LINGO2: variants seen among roughly 807,000 people sequenced by gnomAD.
LINGO2 encodes the protein leucine rich repeat and Ig domain containing 2.
A neutral mutation model predicts 30.6 loss-of-function variants in LINGO2; 14 were observed. The observed-to-expected ratio is 0.46, with a 90% CI of 0.30 to 0.72. LINGO2 has a LOEUF of 0.72. Among genes scored for constraint, LINGO2 ranks in the 30% least tolerant of loss-of-function variants. The pLI is 0.07. For synonymous variants in LINGO2, 317 were observed against 288.5 expected (o/e 1.10, Z -1.00); for missense variants, 729 against 751.7 (o/e 0.97, Z 0.35).
At chr9:28,979,165 T>C in the LINGO2 span, among the ~76,000 whole-genome samples, 1 of 152,128 alleles carries the variant, frequency 6.6e-6, no homozygotes, top group South Asian at 2.1e-4. Flanking sequence ...CTTTGAGCTA[T>C]AATTTGAAAA....
At chr9:28,955,494 G>T in the LINGO2 span, among the ~76,000 whole-genome samples, 1 of 152,044 alleles carries the variant, frequency 6.6e-6, no homozygotes, top group Non-Finnish European at 1.5e-5. Context: ...GGTAGTAAGG[G>T]ATGTCCTGCA....
intron 3 of LINGO2, among the ~76,000 whole-genome samples, chr9:28,346,520 G>A (rs1190321145): frequency 2.0e-5 from 3 of 152,156 alleles, no homozygotes; most frequent in Non-Finnish European, 4.4e-5. Context: ...TGTCTTTAGA[G>A]TGGAACAATT....
At chr9:28,957,415 G>A in the LINGO2 span, among the ~76,000 whole-genome samples, 1 of 152,174 alleles carries the variant, frequency 6.6e-6, no homozygotes, top group Non-Finnish European at 1.5e-5. Flanking sequence ...GAAAGAGAAT[G>A]AAAATTATCT....
At chr9:28,350,288 T>C (rs1587515484) in intron 3 of LINGO2, among the ~76,000 whole-genome samples, 1 of 141,398 alleles carries the variant, frequency 7.1e-6, no homozygotes, top group South Asian at 2.5e-4. Flanking sequence ...AGGCTCAAAA[T>C]AAAAGGATGG....
chr9:29,083,004 C>A, the LINGO2 span, among the ~76,000 whole-genome samples: 6 of 152,126 alleles, frequency 3.9e-5, no homozygotes, highest in African/African-American at 1.4e-4. Context: ...ACTGGTTCAA[C>A]CATTGTGGAA....
rs190831158 is a variant in LINGO2, at chr9:28,087,892, T to C, written c.-86-75487A>G. Among the ~76,000 whole-genome samples the C allele has an allele frequency of 5.2e-3, 788 of 152,176 alleles. 2 individuals are homozygous for C. The highest frequency in any genetic ancestry group is 8.8e-3 in the Non-Finnish European group (599 of 67,970). On this transcript the variant is annotated intron_variant, in intron 4 of 5. Transcript: ENST00000379992. The stretch of plus-strand genomic sequence containing the variant: ...TCCTCCATGGCTACCTAAGATACTT[T>C]AGTACCAGTAAAAGAAACTCTTTGG...
At chr9:28,819,619 G>A in the LINGO2 span, among the ~76,000 whole-genome samples, 2 of 152,090 alleles carry the variant, frequency 1.3e-5, no homozygotes, top group Non-Finnish European at 2.9e-5. Context: ...TTATATTGTG[G>A]TGTTTTGTGT....
At chr9:28,802,461 G>T in the LINGO2 span, among the ~76,000 whole-genome samples, 5 of 151,878 alleles carry the variant, frequency 3.3e-5, no homozygotes, top group Admixed American at 2.6e-4. Flanking sequence ...GCCAATAAAG[G>T]TATCCAACCA....
chr9:28,031,278 C>T (rs771964860), intron 4 of LINGO2, among the ~76,000 whole-genome samples: 3 of 151,582 alleles, frequency 2.0e-5, no homozygotes, highest in Non-Finnish European at 4.4e-5. Flanking sequence ...AAAATGGGAC[C>T]ATCCACCATG....
exon 6 of LINGO2, chr9:27,949,656 T>G (rs1480688966): frequency 1.2e-6 from 2 of 1,613,920 alleles, no homozygotes; most frequent in Admixed American, 3.3e-5. Flanking sequence ...GGAGAAGACA[T>G]TCTCTTCCAA....
intron 4 of LINGO2, among the ~76,000 whole-genome samples, chr9:28,170,133 T>C (rs980456589): frequency 6.6e-6 from 1 of 152,190 alleles, no homozygotes; most frequent in African/African-American, 2.4e-5. Context: ...ATACCTGGTA[T>C]TGAATATGTA....
the LINGO2 span, among the ~76,000 whole-genome samples, chr9:28,762,208 A>G: frequency 1.3e-5 from 2 of 152,172 alleles, no homozygotes; most frequent in East Asian, 1.9e-4. Context: ...ATTTATTTCC[A>G]TTTTAATTGT....
intron 3 of LINGO2, among the ~76,000 whole-genome samples, chr9:28,303,803 T>C (rs1824239594): frequency 6.6e-6 from 1 of 151,846 alleles, no homozygotes. Context: ...AGGGAAAGGG[T>C]TGGTCTTGCT....
At chr9:28,048,848 A>G (rs1824542757) in intron 4 of LINGO2, among the ~76,000 whole-genome samples, 1 of 150,826 alleles carries the variant, frequency 6.6e-6, no homozygotes, top group South Asian at 2.1e-4. Flanking sequence ...ATGTAACTAT[A>G]TATATATGTA....
chr9:28,152,317 CTT>C (rs1384436357), intron 4 of LINGO2, among the ~76,000 whole-genome samples: 1 of 152,070 alleles, frequency 6.6e-6, no homozygotes, highest in Admixed American at 6.6e-5. Context: ...CTCTCTCTCT[CTT>C]GCTTTCTTTC....
At chr9:28,632,860 A>T (rs994722823) in intron 1 of LINGO2, among the ~76,000 whole-genome samples, 1 of 103,798 alleles carries the variant, frequency 9.6e-6, no homozygotes, top group Admixed American at 1.3e-4. Context: ...TATTTTTTAT[A>T]TATATATATA....
At chr9:28,363,500 A>T (rs757264475) in intron 3 of LINGO2, among the ~76,000 whole-genome samples, 1 of 152,192 alleles carries the variant, frequency 6.6e-6, no homozygotes, top group African/African-American at 2.4e-5. Context: ...TAATAGTCAC[A>T]TTGACTAAAG....
Position 28,199,539 on chromosome 9 carries a change from C to T in LINGO2, c.-87+95669G>A, listed in dbSNP as rs535922570. Among the ~76,000 whole-genome samples the T allele has an allele frequency of 3.5e-3, 537 of 152,126 alleles. 3 individuals carry two copies. Among genetic ancestry groups the T allele is most frequent in the African/African-American group, 0.013 (519 of 41,512 alleles). ...ATTTTAAGTAGAGACGAGGTTTCACCGTGTTAGCCAGGATGGCCTCGATCT... is the reference window on the plus strand; with the variant it reads ...ATTTTAAGTAGAGACGAGGTTTCACTGTGTTAGCCAGGATGGCCTCGATCT... On this transcript the variant is annotated intron_variant, in intron 4 of 5. Coordinates refer to ENST00000379992, the Ensembl canonical transcript of LINGO2.
chr9:28,467,325 C>A (rs1188495924), intron 2 of LINGO2, among the ~76,000 whole-genome samples: 2 of 151,896 alleles, frequency 1.3e-5, no homozygotes, highest in Non-Finnish European at 2.9e-5. Context: ...CCATGCCTGG[C>A]CCCCTAGCTG....
Sources: allele counts gnomAD v4.1 joint callset (sites outside exome capture counted in the v4.1 genomes callset), GRCh38; gene constraint gnomAD v4.1.1; transcripts MANE v1.5; gene names NCBI Gene and HGNC (gene_info 2026-07-23, HGNC 2026-07-21).